SPAG16: variants seen among roughly 807,000 people sequenced by gnomAD.
SPAG16 encodes sperm associated antigen 16.
A neutral mutation model predicts 80.4 loss-of-function variants in SPAG16; 86 were observed. The observed-to-expected ratio is 1.07, with a 90% CI of 0.90 to 1.28. The LOEUF (loss-of-function observed/expected upper bound fraction) is 1.28, where lower values mean the gene tolerates loss of function less well. SPAG16 is among the 50% of genes most tolerant of loss of function. The pLI is 0.00. For missense variants in SPAG16, 870 were observed against 765.3 expected, an observed-to-expected ratio of 1.14 and a Z score of -1.61; for synonymous variants, 294 against 265.9, an observed-to-expected ratio of 1.11 and a Z score of -1.03.
chr2:213,563,434 A>G (rs1389147868), intron 10 of SPAG16, among the ~76,000 whole-genome samples: 1 of 152,236 alleles, frequency 6.6e-6, no homozygotes, highest in African/African-American at 2.4e-5. Context: ...ATTTTCTCAT[A>G]GTTCTGGAGG....
chr2:213,548,697 T>A (rs574107493), intron 10 of SPAG16, among the ~76,000 whole-genome samples: 1 of 152,306 alleles, frequency 6.6e-6, no homozygotes, highest in Admixed American at 6.5e-5. Flanking sequence ...TTTCTTTTGA[T>A]GTGGTTATTT....
chr2:213,348,948 A>AG (rs1467738295), intron 6 of SPAG16, among the ~76,000 whole-genome samples: 1 of 152,156 alleles, frequency 6.6e-6, no homozygotes, highest in Non-Finnish European at 1.5e-5. Flanking sequence ...TGTCACTAAA[A>AG]TAGATCGTAT....
chr2:213,967,622 ATAAC>A (rs2044773366), intron 12 of SPAG16, among the ~76,000 whole-genome samples: 1 of 152,190 alleles, frequency 6.6e-6, no homozygotes, highest in African/African-American at 2.4e-5. Context: ...ATTTTGTCAA[ATAAC>A]TAAGATGAAA....
At chr2:213,532,061 A>G (rs974296995) in intron 10 of SPAG16, among the ~76,000 whole-genome samples, 1 of 152,238 alleles carries the variant, frequency 6.6e-6, no homozygotes, top group African/African-American at 2.4e-5. Context: ...CTAAAAGTAT[A>G]CCTATTTGAA....
intron 15 of SPAG16, among the ~76,000 whole-genome samples, chr2:214,367,761 A>G (rs546276823): frequency 2.6e-5 from 4 of 152,260 alleles, no homozygotes; most frequent in African/African-American, 9.6e-5. Context: ...GTCCAGTGTG[A>G]CACATTGTCT....
At chr2:213,688,100 C>T (rs2064771162) in intron 10 of SPAG16, among the ~76,000 whole-genome samples, 1 of 152,068 alleles carries the variant, frequency 6.6e-6, no homozygotes, top group Non-Finnish European at 1.5e-5. Flanking sequence ...GCAGTTTGAA[C>T]TTGGGGGGAG....
At chr2:213,541,617 C>T (rs1357752088) in intron 10 of SPAG16, among the ~76,000 whole-genome samples, 1 of 151,904 alleles carries the variant, frequency 6.6e-6, no homozygotes, top group African/African-American at 2.4e-5. Context: ...CAGACTCCAT[C>T]TCAAAAAAGA....
chr2:214,347,752 T>A (rs1698150322), intron 15 of SPAG16, among the ~76,000 whole-genome samples: 1 of 152,156 alleles, frequency 6.6e-6, no homozygotes, highest in East Asian at 1.9e-4. Context: ...ATAAGCAACC[T>A]AAAGGAATTA....
At chr2:213,770,456 A>T (rs938135226) in intron 10 of SPAG16, among the ~76,000 whole-genome samples, 44 of 152,048 alleles carry the variant, frequency 2.9e-4, no homozygotes, top group African/African-American at 1.0e-3. Context: ...ATATATTTTT[A>T]AATTTAATTT....
At chr2:214,120,773 A>T (rs1450621930) in intron 14 of SPAG16, among the ~76,000 whole-genome samples, 6 of 151,884 alleles carry the variant, frequency 4.0e-5, no homozygotes, top group Admixed American at 2.0e-4. Context: ...AAATCCTGTT[A>T]TCTAGCAGAT....
intron 10 of SPAG16, among the ~76,000 whole-genome samples, chr2:213,813,888 G>A (rs1002017182): frequency 1.3e-5 from 2 of 152,082 alleles, no homozygotes; most frequent in African/African-American, 4.8e-5. Context: ...TGAAGAGGCA[G>A]GAAAGAAATT....
chr2:214,195,299 G>GAGATGATAGATAGATAGATAGAT (rs1328168706), intron 15 of SPAG16, among the ~76,000 whole-genome samples: 988 of 16,414 alleles, frequency 0.06, 14 homozygotes, highest in African/African-American at 0.16. Context: ...AGATAGATGA[G>GAGATGATAGATAGATAGATAGAT]AGATGATAGA....
intron 12 of SPAG16, among the ~76,000 whole-genome samples, chr2:213,977,683 A>T (rs2045487681): frequency 1.3e-5 from 2 of 151,920 alleles, no homozygotes; most frequent in Non-Finnish European, 2.9e-5. Flanking sequence ...CTTTCTTTTC[A>T]TGAATGGTAG....
At chr2:213,596,440 T>C (rs2060887964) in intron 10 of SPAG16, among the ~76,000 whole-genome samples, 3 of 152,110 alleles carry the variant, frequency 2.0e-5, no homozygotes, top group South Asian at 4.1e-4. Context: ...CTAATTTTAT[T>C]TCAAACCATA....
intron 7 of SPAG16, among the ~76,000 whole-genome samples, chr2:213,353,316 A>T (rs2065438280): frequency 6.6e-6 from 1 of 151,982 alleles, no homozygotes; most frequent in African/African-American, 2.4e-5. Context: ...AAATATTAAC[A>T]TTTCCATGTA....
At chr2:214,308,402 T>C (rs1035771718) in intron 15 of SPAG16, among the ~76,000 whole-genome samples, 1 of 152,186 alleles carries the variant, frequency 6.6e-6, no homozygotes, top group East Asian at 1.9e-4. Context: ...AGGTTAGTAT[T>C]GGTATGTGTG....
chr2:214,020,175 G>A (rs915100941), intron 13 of SPAG16, among the ~76,000 whole-genome samples: 2 of 152,162 alleles, frequency 1.3e-5, no homozygotes, highest in African/African-American at 4.8e-5. Context: ...GTGACAGGGT[G>A]AGAACGCAGG....
intron 10 of SPAG16, among the ~76,000 whole-genome samples, chr2:213,582,834 G>T (rs754293074): frequency 1.4e-4 from 21 of 152,116 alleles, no homozygotes; most frequent in Non-Finnish European, 2.9e-4. Flanking sequence ...TTATTTGGAA[G>T]TTATCTTTTT....
chr2:213,831,126 G>A (rs1419030323), intron 10 of SPAG16, among the ~76,000 whole-genome samples: 3 of 140,656 alleles, frequency 2.1e-5, no homozygotes, highest in Non-Finnish European at 4.5e-5. Context: ...TGCAACCTTA[G>A]CCTCCTGAGT....
Sources: gnomAD v4.1 joint callset for allele counts (sites outside exome capture counted in the v4.1 genomes callset) on GRCh38, gnomAD v4.1.1 for gene constraint, MANE v1.5 for transcripts, NCBI Gene and HGNC (gene_info 2026-07-23, HGNC 2026-07-21) for gene names.